Variants in DRAM1 observed in about 807,000 individuals in gnomAD.
DRAM1 encodes DNA damage regulated autophagy modulator 1, also known as DNA damage-regulated autophagy modulator protein 1.
In DRAM1, 25 loss-of-function variants were observed where a neutral mutation model predicts 28.5. The observed-to-expected ratio is 0.88, with a 90% CI of 0.64 to 1.23. DRAM1 has a LOEUF of 1.23. DRAM1 is among the 50% of genes most tolerant of loss of function. DRAM1 has a pLI of 0.00. For synonymous variants in DRAM1, 113 were observed against 114.2 expected, an observed-to-expected ratio of 0.99 and a Z score of 0.07; for missense variants, 249 against 299.2, an observed-to-expected ratio of 0.83 and a Z score of 1.24.
rs1258308092 is a variant in DRAM1, at chr12:101,922,361, G to A, written c.*1101G>A. The A allele has an allele frequency of 6.6e-6, 1 of 152,284 alleles. No homozygotes were observed. The highest frequency in any genetic ancestry group is 1.5e-5 in the Non-Finnish European group (1 of 68,072). 9.4% of individuals were successfully genotyped at this position (152,284 alleles called of 1,614,324 possible). ...CAGAGGAAGAAGCAGCCCTTGAAAT[G>A]TTAAGGCTTAGGCTTGAAAGGTGAA... On this transcript the variant is annotated 3_prime_UTR_variant, in exon 7 of 7. Transcript: ENST00000258534.
Position 101,878,041 on chromosome 12 carries a change from G to A in DRAM1, c.131+121G>A. On this transcript the variant is annotated intron_variant, in intron 1 of 6. Coordinates refer to ENST00000258534, the MANE Select transcript of DRAM1 (RefSeq NM_018370.3). ...GGGCGTCGTGTGGTCAGGCAGAGGT[G>A]GGAGCAGGAGGAGAGGTGCTCCCGA... is the stretch of plus-strand genomic sequence containing the variant. 5.4e-6 allele frequency: 7 copies of A among 1,290,816 alleles called. No homozygotes were observed. The South Asian group carries it at 7.6e-5, about 14-fold the overall frequency. 80.0% of individuals were successfully genotyped at this position (1,290,816 alleles called of 1,614,324 possible).
At chr12:101,883,798 T>C (rs1262219779) in intron 1 of DRAM1, among the ~76,000 whole-genome samples, 3 of 151,314 alleles carry the variant, frequency 2.0e-5, no homozygotes, top group Non-Finnish European at 4.4e-5. Flanking sequence ...TAGCTGGGCA[T>C]GGTGGCATGT....
intron 3 of DRAM1, among the ~76,000 whole-genome samples, chr12:101,906,580 G>A (rs1177420774): frequency 5.3e-5 from 8 of 152,176 alleles, no homozygotes; most frequent in African/African-American, 1.7e-4. Flanking sequence ...GAGGCTGGGT[G>A]TGGTGGCTCA....
chr12:101,890,381 TA>T (rs1234562899), intron 1 of DRAM1, among the ~76,000 whole-genome samples: 2 of 59,028 alleles, frequency 3.4e-5, no homozygotes, highest in Non-Finnish European at 5.6e-5. Context: ...AGCCCGGCCC[TA>T]TTTTTTTTGG....
intron 4 of DRAM1, among the ~76,000 whole-genome samples, chr12:101,909,083 G>A (rs1873938473): frequency 1.3e-5 from 2 of 151,954 alleles, no homozygotes; most frequent in African/African-American, 4.8e-5. Context: ...CCAACATGGA[G>A]AAACCCTGTC....
At chr12:101,915,372 C>A (rs1874198305) in intron 5 of DRAM1, among the ~76,000 whole-genome samples, 2 of 151,944 alleles carry the variant, frequency 1.3e-5, no homozygotes, top group Non-Finnish European at 2.9e-5. Context: ...TGAAAGGGAG[C>A]GTGGAATGTT....
intron 6 of DRAM1, 51 bp downstream of exon 6, chr12:101,920,252 T>C: frequency 7.4e-7 from 1 of 1,344,014 alleles, no homozygotes; most frequent in Admixed American, 2.2e-5. Flanking sequence ...TTAGGATTAG[T>C]AAAAATTTGC....
chr12:101,881,629 C>T (rs946524063), intron 1 of DRAM1, among the ~76,000 whole-genome samples: 5 of 152,206 alleles, frequency 3.3e-5, no homozygotes, highest in Non-Finnish European at 7.3e-5. Context: ...TGGCTGTTCC[C>T]TCTGCCAGGT....
At chr12:101,908,591 G>A (rs1282596296) in intron 4 of DRAM1, among the ~76,000 whole-genome samples, 3 of 152,096 alleles carry the variant, frequency 2.0e-5, no homozygotes, top group African/African-American at 7.2e-5. Context: ...CAAGGATGAG[G>A]GGGAATTCTG....
chr12:101,913,426 C>G (rs1874112602), intron 4 of DRAM1, among the ~76,000 whole-genome samples: 1 of 152,002 alleles, frequency 6.6e-6, no homozygotes, highest in African/African-American at 2.4e-5. Flanking sequence ...GTATTTTAGG[C>G]CGGGCACGGT....
At position 101,892,592 on chromosome 12, in the gene DRAM1, C is replaced by G. The variant is rs146063145; in HGVS notation, c.132-5271C>G. Reference sequence around the variant, plus strand: ...TCTTTAAAATGGTAATGGGCAAACACTATTGTTCTTAAAAGTTTTGAAACG... The same window carrying G: ...TCTTTAAAATGGTAATGGGCAAACAGTATTGTTCTTAAAAGTTTTGAAACG... On this transcript the variant is annotated intron_variant, in intron 1 of 6. Coordinates refer to ENST00000258534, the MANE Select transcript of DRAM1 (RefSeq NM_018370.3). Among the ~76,000 whole-genome samples the G allele has an allele frequency of 2.2e-4, 34 of 152,088 alleles. No individual in the cohort carries two copies. The East Asian group carries it at 5.8e-3, about 26-fold the overall frequency.
At chr12:101,917,972 T>C (rs1307140447) in intron 5 of DRAM1, among the ~76,000 whole-genome samples, 1 of 152,182 alleles carries the variant, frequency 6.6e-6, no homozygotes, top group African/African-American at 2.4e-5. Context: ...TCGAAGTATA[T>C]TCCCAGGCAG....
intron 1 of DRAM1, among the ~76,000 whole-genome samples, chr12:101,886,769 T>G (rs1168468757): frequency 2.0e-5 from 3 of 152,232 alleles, no homozygotes; most frequent in Non-Finnish European, 2.9e-5. Context: ...GCCAGTTGTA[T>G]TTTGTATTGT....
Position 101,921,358 on chromosome 12 carries a change from G to C in DRAM1, c.*98G>C. 1 of 878,750 alleles carries C rather than the reference G, an allele frequency of 1.1e-6. No individual in the cohort carries two copies. Among genetic ancestry groups the C allele is most frequent in the Admixed American group, 1.9e-5 (1 of 52,820 alleles). The allele number at this position is 878,750 out of a possible 1,614,324, so 54.4% of individuals were successfully genotyped here. A position where few individuals can be genotyped will look rare whatever the true frequency, so the allele number is the denominator to read the frequency against. ...GTTTTGAGGCCACCCTGATTATTGG[G>C]ATGCATCTGCAGCACATCCAGGACT... On this transcript the variant is annotated 3_prime_UTR_variant, in exon 7 of 7. Coordinates refer to ENST00000258534, the MANE Select transcript of DRAM1 (RefSeq NM_018370.3).
intron 1 of DRAM1, among the ~76,000 whole-genome samples, chr12:101,896,967 A>G (rs1873396760): frequency 6.6e-6 from 1 of 151,724 alleles, no homozygotes; most frequent in Admixed American, 6.6e-5. Context: ...TTGTATTTTT[A>G]GTAGAGATGA....
intron 5 of DRAM1, among the ~76,000 whole-genome samples, chr12:101,917,954 A>G (rs768585554): frequency 2.0e-5 from 3 of 152,190 alleles, no homozygotes; most frequent in Non-Finnish European, 4.4e-5. Context: ...GCTGCTGGGA[A>G]GGGCTTATCG....
At chr12:101,917,774 G>GC (rs1874311969) in intron 5 of DRAM1, among the ~76,000 whole-genome samples, 1 of 134,310 alleles carries the variant, frequency 7.4e-6, no homozygotes, top group African/African-American at 3.3e-5. Flanking sequence ...TAGGCAAAAG[G>GC]CAGGTTTTTT....
intron 1 of DRAM1, among the ~76,000 whole-genome samples, chr12:101,897,163 A>T (rs2121083005): frequency 6.6e-6 from 1 of 151,968 alleles, no homozygotes; most frequent in African/African-American, 2.4e-5. Flanking sequence ...GTTTATGTGT[A>T]TTTAACATGC....
In DRAM1 at chr12:101,917,148, G is replaced by A. The variant is rs146732838; in HGVS notation, c.579+2916G>A. On this transcript the variant is annotated intron_variant, in intron 5 of 6. Transcript: ENST00000258534. ...CAAAAAGTAGTTTCAGTAAAACGCC[G>A]AGGTTAGAAGCCAATGGCAAGAAGT... Among the ~76,000 whole-genome samples, 858 of 152,348 alleles carry A rather than the reference G, an allele frequency of 5.6e-3. 10 individuals are homozygous for A. The highest frequency in any genetic ancestry group is 0.019 in the African/African-American group (787 of 41,580).
Sources: allele counts gnomAD v4.1 joint callset (sites outside exome capture counted in the v4.1 genomes callset), GRCh38; gene constraint gnomAD v4.1.1; transcripts MANE v1.5; gene names NCBI Gene and HGNC (gene_info 2026-07-23, HGNC 2026-07-21).